DYSF: variants seen among roughly 807,000 people sequenced by gnomAD.
DYSF encodes the protein dystrophy-associated fer-1-like 1.
DYSF carries 212 observed loss-of-function variants against 274.9 expected under a neutral mutation model. The ratio of observed to expected loss-of-function variants is 0.77; its 90% confidence interval spans 0.69 to 0.86. The LOEUF (loss-of-function observed/expected upper bound fraction) is 0.86, where lower values mean the gene tolerates loss of function less well. DYSF is among the 40% of genes least tolerant of loss of function. DYSF has a pLI of 0.00. For missense variants in DYSF, 2,666 were observed against 2,783.2 expected, an observed-to-expected ratio of 0.96 and a Z score of 0.95; for synonymous variants, 1,091 against 1,078.7, an observed-to-expected ratio of 1.01 and a Z score of -0.22.
intron 36 of DYSF, among the ~76,000 whole-genome samples, chr2:71,605,896 C>G: frequency 6.6e-6 from 1 of 152,160 alleles, no homozygotes; most frequent in African/African-American, 2.4e-5. Flanking sequence ...TTGTTCCTAA[C>G]GAGCTGGGTG....
intron 20 of DYSF, 136 bp from the exon 21 acceptor site, chr2:71,553,671 T>C: frequency 8.9e-7 from 1 of 1,123,402 alleles, no homozygotes; most frequent in Non-Finnish European, 1.3e-6. Flanking sequence ...GGTGCCTGTC[T>C]CTGTCCCACG....
At chr2:71,475,456 G>A (rs890838704) in intron 1 of DYSF, among the ~76,000 whole-genome samples, 2 of 152,164 alleles carry the variant, frequency 1.3e-5, no homozygotes, top group Non-Finnish European at 2.9e-5. Flanking sequence ...ACTGCTACAC[G>A]GCTGTCCTGC....
At chr2:71,666,977 G>A (rs568450970) in intron 47 of DYSF, among the ~76,000 whole-genome samples, 95 of 152,332 alleles carry the variant, frequency 6.2e-4, no homozygotes, top group African/African-American at 2.2e-3. Context: ...GTGAACGAGA[G>A]CATAATACTA....
intron 22 of DYSF, among the ~76,000 whole-genome samples, chr2:71,556,312 C>T (rs2091337100): frequency 1.3e-5 from 2 of 152,228 alleles, no homozygotes; most frequent in Non-Finnish European, 2.9e-5. Flanking sequence ...GGCCGGCTCA[C>T]CTGAATGGGG....
intron 55 of DYSF, among the ~76,000 whole-genome samples, chr2:71,686,224 A>T (rs149408103): frequency 1.5e-3 from 234 of 152,264 alleles, no homozygotes; most frequent in African/African-American, 5.4e-3. Flanking sequence ...GGTTTGCCTG[A>T]TGGGCTGGAG....
In DYSF at chr2:71,528,302, C is replaced by T. The variant is rs147244033; in HGVS notation, c.1281C>T (p.Asp427=). The T allele has an allele frequency of 2.7e-5, 43 of 1,613,596 alleles. No homozygotes were observed. Among genetic ancestry groups the T allele is most frequent in the Middle Eastern group, 1.7e-4 (1 of 6,060 alleles). ...VFRAEDLPQM[D]DAVMDNVKQI... ...CTGGTGTGTCCCTCTTCCCAGTGGA[C>T]GATGCCGTGATGGACAACGTGAAAC... The change falls in exon 14 of 56, where the codon GAC becomes GAT. Residue 427 remains aspartate, a synonymous_variant. Transcript: ENST00000410020.
At chr2:71,540,084 G>C (rs1302954354) in intron 17 of DYSF, among the ~76,000 whole-genome samples, 1 of 150,916 alleles carries the variant, frequency 6.6e-6, no homozygotes, top group Non-Finnish European at 1.5e-5. Flanking sequence ...AATTGGAATT[G>C]CTGTGTGAAA....
At chr2:71,473,985 G>A (rs2082223511) in intron 1 of DYSF, among the ~76,000 whole-genome samples, 1 of 141,110 alleles carries the variant, frequency 7.1e-6, no homozygotes, top group South Asian at 2.2e-4. Context: ...GGAGAGCAAT[G>A]GTGTGATCTT....
intron 30 of DYSF, among the ~76,000 whole-genome samples, chr2:71,577,522 G>T (rs1558522358): frequency 9.0e-6 from 1 of 111,004 alleles, no homozygotes; most frequent in Non-Finnish European, 1.8e-5. Context: ...CTCTCATGCA[G>T]CCCCCCCACT....
intron 3 of DYSF, among the ~76,000 whole-genome samples, chr2:71,502,395 A>G (rs367751311): frequency 2.4e-4 from 36 of 152,126 alleles, no homozygotes; most frequent in African/African-American, 8.2e-4. Flanking sequence ...GGGTAAGTCC[A>G]TTTCTCAGGG....
intron 39 of DYSF, among the ~76,000 whole-genome samples, 198 bp downstream of exon 39, chr2:71,613,004 G>C (rs1182602134): frequency 1.3e-5 from 2 of 152,194 alleles, no homozygotes; most frequent in African/African-American, 4.8e-5. Context: ...CCAGGAGCAG[G>C]TGACTGATAC....
intron 13 of DYSF, among the ~76,000 whole-genome samples, chr2:71,527,599 C>A (rs55920120): frequency 0.026 from 3,804 of 145,016 alleles, 94 homozygotes; most frequent in Non-Finnish European, 0.042. Flanking sequence ...TTGAAAAAAA[C>A]AAAATAGATG....
At chr2:71,598,833 C>CACG in intron 33 of DYSF, 88 bp downstream of exon 33, 2 of 1,484,666 alleles carry the variant, frequency 1.3e-6, no homozygotes, top group Non-Finnish European at 1.8e-6. Flanking sequence ...GCTGCCCAGC[C>CACG]AGATGGGTGC....
chr2:71,513,135 G>A, intron 5 of DYSF, 105 bp from the exon 6 acceptor site: 1 of 1,056,470 alleles, frequency 9.5e-7, no homozygotes, highest in Non-Finnish European at 1.4e-6. Flanking sequence ...ACCAGGCTGG[G>A]GTGGGCGGGG....
At chr2:71,668,234 T>C (rs2095053009) in intron 48 of DYSF, among the ~76,000 whole-genome samples, 1 of 152,304 alleles carries the variant, frequency 6.6e-6, no homozygotes, top group African/African-American at 2.4e-5. Flanking sequence ...CTCCCCAAAG[T>C]GGCACAACAG....
At chr2:71,516,453 A>G (rs899259882) in intron 9 of DYSF, among the ~76,000 whole-genome samples, 1 of 152,226 alleles carries the variant, frequency 6.6e-6, no homozygotes, top group South Asian at 2.1e-4. Context: ...AGTAACTCAC[A>G]GTCAGGCTCT....
At chr2:71,649,547 T>C (rs1409187928) in intron 42 of DYSF, among the ~76,000 whole-genome samples, 2 of 152,024 alleles carry the variant, frequency 1.3e-5, no homozygotes, top group African/African-American at 4.8e-5. Flanking sequence ...CCTAAAGACA[T>C]AGAGGACTAA....
At chr2:71,648,673 T>C (rs1411617801) in intron 42 of DYSF, among the ~76,000 whole-genome samples, 3 of 152,166 alleles carry the variant, frequency 2.0e-5, no homozygotes, top group Non-Finnish European at 2.9e-5. Context: ...ATCTGAGACA[T>C]ATTCTAATAT....
Position 71,598,655 on chromosome 2 carries a change from C to A in DYSF, c.3666C>A (p.Ile1222=), listed in dbSNP as rs1410676416. ...TLNPTWDQTL[I]FYEIEIFGEP... Reference sequence around the variant, plus strand: ...ACCCCACCTGGGACCAGACGCTCATCTTCTACGAGATCGAGATCTTTGGCG... The same window carrying A: ...ACCCCACCTGGGACCAGACGCTCATATTCTACGAGATCGAGATCTTTGGCG... Residue 1222 remains isoleucine, a synonymous_variant, in exon 33 of 56, where the codon ATC becomes ATA. Transcript: ENST00000410020. 6.2e-7 allele frequency: 1 copy of A among 1,614,182 alleles called. No homozygotes were observed. The highest frequency in any genetic ancestry group is 8.5e-7 in the Non-Finnish European group (1 of 1,180,052).
Sources: gnomAD v4.1 joint callset for allele counts (sites outside exome capture counted in the v4.1 genomes callset) on GRCh38, gnomAD v4.1.1 for gene constraint, MANE v1.5 for transcripts, NCBI Gene and HGNC (gene_info 2026-07-23, HGNC 2026-07-21) for gene names.